The following DICER1 variants were observed in gnomAD, a reference collection of about 807,000 sequenced individuals.
DICER1 encodes dicer 1, ribonuclease III, also known as endoribonuclease Dicer.
A neutral mutation model predicts 194.1 loss-of-function variants in DICER1; 43 were observed. That is an observed-to-expected ratio of 0.22 (90% CI 0.17 to 0.29). The LOEUF is 0.29. Among genes scored for constraint, DICER1 ranks in the 10% least tolerant of loss-of-function variants. The pLI is 1.00. For missense variants in DICER1, 1,608 were observed against 2,317.0 expected (o/e 0.69, Z 6.28); for synonymous variants, 832 against 820.5 (o/e 1.01, Z -0.24).
intron 14 of DICER1, among the ~76,000 whole-genome samples, chr14:95,109,021 TA>T (rs1404197764): frequency 6.6e-6 from 1 of 152,244 alleles, no homozygotes; most frequent in Non-Finnish European, 1.5e-5. Context: ...TATACATTTA[TA>T]TTTTTCAATA....
At chr14:95,121,940 G>C (rs1192868818) in intron 8 of DICER1, among the ~76,000 whole-genome samples, 1 of 151,968 alleles carries the variant, frequency 6.6e-6, no homozygotes, top group African/African-American at 2.4e-5. Context: ...TATTACAATA[G>C]CTTATATGCC....
Position 95,124,147 on chromosome 14 carries a change from C to T in DICER1, c.1376+49G>A. ...TGCTGCAGCGCATCACATCACAACACAGGACGCCTCCCTGTTCTCATGTGA... is the reference window on the plus strand; with the variant it reads ...TGCTGCAGCGCATCACATCACAACATAGGACGCCTCCCTGTTCTCATGTGA... On this transcript the variant is annotated intron_variant, in intron 8 of 26. Coordinates refer to ENST00000343455, the MANE Select transcript of DICER1 (RefSeq NM_177438.3). This position sits in a 1 kb window ranked among gnomAD's most constrained non-coding sequence, Gnocchi z 4.5. The T allele has an allele frequency of 7.2e-7, 1 of 1,389,886 alleles. No homozygotes were observed. Among genetic ancestry groups the T allele is most frequent in the Non-Finnish European group, 1.0e-6 (1 of 982,408 alleles). 86.1% of individuals were successfully genotyped at this position (1,389,886 alleles called of 1,614,324 possible). A position where few individuals can be genotyped will look rare whatever the true frequency, so the allele number is the denominator to read the frequency against.
rs1431041541 is a variant in DICER1 at position 95,133,494 on chromosome 14, G to A, written c.-36C>T. On this transcript the variant is annotated 5_prime_UTR_variant, in exon 2 of 27. Coordinates refer to ENST00000343455, the MANE Select transcript of DICER1 (RefSeq NM_177438.3). ...TTTCTTTCATTGCATTTTTGTTCTA[G>A]CACAGCTTACTACAAAAGGGAAAAA... is the stretch of plus-strand genomic sequence containing the variant. 6.3e-7 allele frequency: 1 copy of A among 1,592,372 alleles called. No individual in the cohort carries two copies. Among genetic ancestry groups the A allele is most frequent in the South Asian group, 1.1e-5 (1 of 88,576 alleles).
rs759384104 is a variant in DICER1, at chr14:95,099,764, ACAC to A, written c.4206+13_4206+15del. ...CACACACACACACACACACACACAC[ACAC>A]ACACAAACTTACCATTTCATCTTTT... On this transcript the variant is annotated intron_variant, in intron 22 of 26. Transcript: ENST00000343455. The A allele has an allele frequency of 8.1e-6, 10 of 1,240,688 alleles. No individual in the cohort carries two copies. Among genetic ancestry groups the A allele is most frequent in the African/African-American group, 1.7e-5 (1 of 59,490 alleles). 76.9% of individuals were successfully genotyped at this position (1,240,688 alleles called of 1,614,324 possible).
chr14:95,120,297 C>A (rs1421285394), intron 8 of DICER1, among the ~76,000 whole-genome samples: 1 of 152,168 alleles, frequency 6.6e-6, no homozygotes, highest in Admixed American at 6.6e-5. Context: ...GGATGTTGCA[C>A]TCCCTAGATG....
Position 95,088,437 on chromosome 14 carries a change from T to C in DICER1, c.*2061A>G, listed in dbSNP as rs1402530387. The C allele has an allele frequency of 8.6e-6, 2 of 232,428 alleles. No homozygotes were observed. Among genetic ancestry groups the C allele is most frequent in the Non-Finnish European group, 1.7e-5 (2 of 117,428 alleles). The allele number at this position is 232,428 out of a possible 1,614,324, so 14.4% of individuals were successfully genotyped here. ...AGGTAGTTTATAAATATTAAGAGAT[T>C]TGTGATTAAACTTGATCACAAATCA... On this transcript the variant is annotated 3_prime_UTR_variant, in exon 27 of 27. Coordinates refer to ENST00000343455, the MANE Select transcript of DICER1 (RefSeq NM_177438.3).
In DICER1 at chr14:95,087,132, G is replaced by A. The variant is rs751582046; in HGVS notation, c.*3366C>T. 7.3e-5 allele frequency: 17 copies of A among 233,078 alleles called. No individual in the cohort carries two copies. Among genetic ancestry groups the A allele is most frequent in the Non-Finnish European group, 1.4e-4 (16 of 117,766 alleles). 14.4% of individuals were successfully genotyped at this position (233,078 alleles called of 1,614,324 possible). A position where few individuals can be genotyped will look rare whatever the true frequency, so the allele number is the denominator to read the frequency against. The stretch of plus-strand genomic sequence containing the variant: ...CTCTGCAGTGCCCACCTGCCTCCAG[G>A]GAGCGACTGAAGAAGCCGACTGCCG... On this transcript the variant is annotated 3_prime_UTR_variant, in exon 27 of 27. Coordinates refer to ENST00000343455, the MANE Select transcript of DICER1 (RefSeq NM_177438.3).
At chr14:95,148,329 A>G (rs1895277529) in intron 1 of DICER1, among the ~76,000 whole-genome samples, 1 of 152,154 alleles carries the variant, frequency 6.6e-6, no homozygotes, top group African/African-American at 2.4e-5. Context: ...CCCAGTAACC[A>G]GCCCCCATTT....
chr14:95,129,611 A>G lies in DICER1; in HGVS notation c.595T>C (p.Cys199Arg), dbSNP rs1566810803. ...GCAGTTAGTCCCAAAATGCGAGGAC[A>G]TGATGGACAATTTTCACAGAGCTAA... The part of the protein sequence containing the change: ...IMKLCENCPS[C>R]PRILGLTASI... The change falls in exon 6 of 27, where the codon TGT becomes CGT. Residue 199 changes from cysteine (C) to arginine (R), a missense_variant. Coordinates refer to ENST00000343455, the MANE Select transcript of DICER1 (RefSeq NM_177438.3). 2 of 1,612,566 alleles carry G rather than the reference A, an allele frequency of 1.2e-6. No individual in the cohort carries two copies. The highest frequency in any genetic ancestry group is 4.5e-5 in the East Asian group (2 of 44,860).
intron 1 of DICER1, chr14:95,134,592 G>GC (rs1215793815): frequency 1.3e-5 from 2 of 152,204 alleles, no homozygotes; most frequent in South Asian, 2.1e-4. Context: ...TTAAGTTGTT[G>GC]CAACTATTTC....
chr14:95,145,970 T>C (rs996206454), intron 1 of DICER1, among the ~76,000 whole-genome samples: 1 of 152,224 alleles, frequency 6.6e-6, no homozygotes, highest in Non-Finnish European at 1.5e-5. Flanking sequence ...GCCACCAATT[T>C]ACATGTCTAA....
Position 95,117,757 on chromosome 14 carries a change from A to G in DICER1, c.1377-3T>C, listed in dbSNP as rs1555373265. ...GTTTGCCAGCTTCCTTTATCAATCTAAGAAAATTATACACATTTGGAAGTT... is the reference window on the plus strand; with the variant it reads ...GTTTGCCAGCTTCCTTTATCAATCTGAGAAAATTATACACATTTGGAAGTT... On this transcript the variant is annotated splice_polypyrimidine_tract_variant and splice_region_variant and intron_variant, in intron 8 of 26. Transcript: ENST00000343455. 2 of 1,613,750 alleles carry G rather than the reference A, an allele frequency of 1.2e-6. No individual in the cohort carries two copies. The highest frequency in any genetic ancestry group is 1.7e-6 in the Non-Finnish European group (2 of 1,179,702).
chr14:95,145,711 G>C (rs1258312056), intron 1 of DICER1, among the ~76,000 whole-genome samples: 2 of 150,880 alleles, frequency 1.3e-5, no homozygotes, highest in East Asian at 1.9e-4. Flanking sequence ...TTTAAACACT[G>C]GTATCTTTGC....
Position 95,132,886 on chromosome 14 carries a change from C to T in DICER1, c.145-209G>A, listed in dbSNP as rs10130144. Reference sequence around the variant, plus strand: ...TATATACAGCTGTATTGTGTAAATACGTGTTGAAATGGCATTTACCCTTTC... The same window carrying T: ...TATATACAGCTGTATTGTGTAAATATGTGTTGAAATGGCATTTACCCTTTC... On this transcript the variant is annotated intron_variant, in intron 2 of 26. Coordinates refer to ENST00000343455, the MANE Select transcript of DICER1 (RefSeq NM_177438.3). Among the ~76,000 whole-genome samples, 4,237 of 152,230 alleles carry T rather than the reference C, an allele frequency of 0.028. 195 individuals are homozygous for T. The highest frequency in any genetic ancestry group is 0.096 in the African/African-American group (3,972 of 41,512).
chr14:95,125,935 C>A (rs1353080159), intron 7 of DICER1, among the ~76,000 whole-genome samples: 1 of 151,786 alleles, frequency 6.6e-6, no homozygotes, highest in African/African-American at 2.4e-5. Flanking sequence ...CACTGCTGCT[C>A]GAGAAGAAAA....
intron 20 of DICER1, 128 bp downstream of exon 20, chr14:95,104,943 A>G (rs552923484): frequency 4.4e-6 from 4 of 906,916 alleles, no homozygotes; most frequent in East Asian, 2.7e-5. Flanking sequence ...TTGACAAGAC[A>G]TAAGATATCC....
chr14:95,115,249 T>A (rs1246537315), intron 11 of DICER1, among the ~76,000 whole-genome samples: 3 of 152,232 alleles, frequency 2.0e-5, no homozygotes, highest in African/African-American at 4.8e-5. Context: ...GAAATTTTAT[T>A]ATCAGCTCTG....
At chr14:95,146,358 G>A (rs1393714226) in intron 1 of DICER1, among the ~76,000 whole-genome samples, 1 of 152,048 alleles carries the variant, frequency 6.6e-6, no homozygotes, top group Admixed American at 6.6e-5. Context: ...ACACTGTCAA[G>A]CCCACCTTTG....
chr14:95,125,454 G>A (rs982623230), intron 7 of DICER1, among the ~76,000 whole-genome samples: 5 of 147,230 alleles, frequency 3.4e-5, no homozygotes, highest in African/African-American at 1.3e-4. Context: ...CTCTAATTGA[G>A]AGCCGAAAGT....
Sources: allele counts gnomAD v4.1 joint callset (sites outside exome capture counted in the v4.1 genomes callset), GRCh38; gene constraint gnomAD v4.1.1; non-coding constraint Gnocchi (gnomAD v3.1); transcripts MANE v1.5; gene names NCBI Gene and HGNC (gene_info 2026-07-23, HGNC 2026-07-21).